GARIN3: variants seen among roughly 807,000 people sequenced by gnomAD.
GARIN3 encodes the protein golgi associated RAB2 interactor family member 3.
At chr5:157,164,949 G>T in the GARIN3 span, among the ~76,000 whole-genome samples, 41 of 152,232 alleles carry the variant, frequency 2.7e-4, no homozygotes, top group Middle Eastern at 3.4e-3. Flanking sequence ...AACCCAGGAG[G>T]CAGAGGTTGC....
chr5:157,163,284 G>C, the GARIN3 span: 4 of 1,614,086 alleles, frequency 2.5e-6, no homozygotes, highest in African/African-American at 1.3e-5. Flanking sequence ...CCATGGACTT[G>C]CTGGATTCAT....
chr5:157,164,621 T>A, the GARIN3 span, among the ~76,000 whole-genome samples: 4 of 152,170 alleles, frequency 2.6e-5, no homozygotes, highest in South Asian at 2.1e-4. Context: ...GCAGGACAGA[T>A]TTCCAGAAGT....
At chr5:157,163,330 GC>G in the GARIN3 span, 1 of 1,614,058 alleles carries the variant, frequency 6.2e-7, no homozygotes, top group African/African-American at 1.3e-5. Flanking sequence ...TCCCGCCAGC[GC>G]TGTGGTCACT....
the GARIN3 span, chr5:157,165,663 T>C: frequency 6.2e-7 from 1 of 1,614,082 alleles, no homozygotes; most frequent in Non-Finnish European, 8.5e-7. Flanking sequence ...GACAAGTTTT[T>C]CCCAATAGCA....
chr5:157,166,058 C>G, the GARIN3 span: 1 of 1,614,202 alleles, frequency 6.2e-7, no homozygotes, highest in Non-Finnish European at 8.5e-7. Context: ...AAATGTTGTA[C>G]TCTCCTCTGT....
At chr5:157,163,321 C>G in the GARIN3 span, 1 of 1,614,108 alleles carries the variant, frequency 6.2e-7, no homozygotes, top group South Asian at 1.1e-5. Context: ...GATAGCTGCT[C>G]CCGCCAGCGC....
chr5:157,166,207 A>G, the GARIN3 span: 6 of 1,573,312 alleles, frequency 3.8e-6, no homozygotes, highest in South Asian at 7.2e-5. Context: ...AGCCACAAAT[A>G]GAGTCCCCGA....
At chr5:157,165,837 C>T in the GARIN3 span, 54 of 1,614,082 alleles carry the variant, frequency 3.3e-5, no homozygotes, top group Non-Finnish European at 4.3e-5. Context: ...GACGGGCCTG[C>T]GACCTCTCCC....
At chr5:157,164,065 A>AAAAG in the GARIN3 span, among the ~76,000 whole-genome samples, 123 of 152,152 alleles carry the variant, frequency 8.1e-4, no homozygotes, top group South Asian at 0.011. Flanking sequence ...CTGTTTAAAA[A>AAAAG]AAAGAAAGAA....
the GARIN3 span, chr5:157,163,538 C>G: frequency 6.2e-7 from 1 of 1,614,118 alleles, no homozygotes; most frequent in Non-Finnish European, 8.5e-7. Flanking sequence ...CTAGCCGTTC[C>G]GTGGGAGGCA....
the GARIN3 span, chr5:157,162,756 G>A: frequency 1.2e-6 from 2 of 1,614,222 alleles, no homozygotes; most frequent in Admixed American, 3.3e-5. Flanking sequence ...TTTTGGTGGA[G>A]CTGTGGGTGG....
chr5:157,162,632 G>A, the GARIN3 span: 1 of 1,614,126 alleles, frequency 6.2e-7, no homozygotes, highest in Non-Finnish European at 8.5e-7. Context: ...TTTGAACCAG[G>A]AGTGGCCCTG....
the GARIN3 span, chr5:157,162,820 T>A: frequency 6.2e-7 from 1 of 1,614,220 alleles, no homozygotes; most frequent in Non-Finnish European, 8.5e-7. Context: ...GTACCCTTTT[T>A]CTTTTTTGTC....
At chr5:157,165,689 T>C in the GARIN3 span, 1 of 1,614,188 alleles carries the variant, frequency 6.2e-7, no homozygotes, top group African/African-American at 1.3e-5. Flanking sequence ...GATCTTCCCG[T>C]GTGTCAGAAG....
At chr5:157,165,607 G>A in the GARIN3 span, 13 of 1,613,966 alleles carry the variant, frequency 8.1e-6, no homozygotes, top group Admixed American at 2.0e-4. Flanking sequence ...CCAGATAGAA[G>A]TGTTGGGGTA....
the GARIN3 span, chr5:157,166,235 G>A: frequency 6.4e-7 from 1 of 1,550,806 alleles, no homozygotes. Context: ...ACGGAGAGAA[G>A]GTAACTGCCC....
At chr5:157,166,225 AC>A in the GARIN3 span, 1 of 1,558,126 alleles carries the variant, frequency 6.4e-7, no homozygotes, top group African/African-American at 1.4e-5. Context: ...CGAGAGAGAG[AC>A]GGAGAGAAGG....
chr5:157,162,855 T>A, the GARIN3 span: 1 of 1,614,222 alleles, frequency 6.2e-7, no homozygotes, highest in East Asian at 2.2e-5. Context: ...TATGGCCAGA[T>A]GCGGACCGGT....
chr5:157,162,759 G>A, the GARIN3 span: 3 of 1,614,200 alleles, frequency 1.9e-6, no homozygotes, highest in Admixed American at 1.7e-5. Context: ...TGGTGGAGCT[G>A]TGGGTGGAGC....
Sources: gnomAD v4.1 joint callset for allele counts (sites outside exome capture counted in the v4.1 genomes callset) on GRCh38, gnomAD v4.1.1 for gene constraint, MANE v1.5 for transcripts, NCBI Gene and HGNC (gene_info 2026-07-23, HGNC 2026-07-21) for gene names.